Variants in SRR observed in about 807,000 individuals in gnomAD.
SRR encodes the protein D-serine ammonia-lyase.
A neutral mutation model predicts 32.7 loss-of-function variants in SRR; 19 were observed. The observed-to-expected ratio is 0.58, with a 90% CI of 0.40 to 0.85. The LOEUF is 0.85. Ranked by LOEUF, SRR falls within the 40% of genes least tolerant of loss-of-function variation. The probability of loss-of-function intolerance (pLI) is 0.00; values close to 1 mark genes in which losing one functional copy is unlikely to be tolerated. For synonymous variants in SRR, 142 were observed against 140.9 expected (o/e 1.01, Z -0.06); for missense variants, 373 against 404.7 (o/e 0.92, Z 0.67).
intron 2 of SRR, among the ~76,000 whole-genome samples, chr17:2,316,528 T>C (rs965529852): frequency 3.9e-5 from 6 of 152,176 alleles, no homozygotes; most frequent in African/African-American, 9.7e-5. Flanking sequence ...CATGGATACA[T>C]TATCAATATA....
chr17:2,323,113 T>C, intron 6 of SRR, 23 bp from the exon 7 acceptor site: 1 of 1,610,544 alleles, frequency 6.2e-7, no homozygotes, highest in Non-Finnish European at 8.5e-7. Context: ...GTTGTTAAGA[T>C]GTCTTAATAT....
intron 2 of SRR, 97 bp downstream of exon 2, chr17:2,315,825 AATTAATGCCTTTAT>A: frequency 8.4e-7 from 1 of 1,183,880 alleles, no homozygotes; most frequent in East Asian, 2.4e-5. Flanking sequence ...GGCAGAAGTA[AATTAATGCCTTTAT>A]ACAGCTGGAA....
chr17:2,310,402 GATAGGGTTTCA>G (rs2151429966), intron 1 of SRR, among the ~76,000 whole-genome samples: 3 of 152,202 alleles, frequency 2.0e-5, no homozygotes, highest in African/African-American at 7.2e-5. Flanking sequence ...TTTTGGTAGA[GATAGGGTTTCA>G]ACGTGTTGCC....
At chr17:2,307,892 T>C (rs2075403939) in intron 1 of SRR, among the ~76,000 whole-genome samples, 1 of 152,140 alleles carries the variant, frequency 6.6e-6, no homozygotes, top group Admixed American at 6.5e-5. Flanking sequence ...GAAGACTGTA[T>C]TTGTGACTAG....
chr17:2,324,441 C>A lies in SRR; in HGVS notation c.*568C>A. ...AAATTTTAAAGCAATGACTTCCAAC[C>A]CAACAGTCATTTAGCAACACTGCAG... On this transcript the variant is annotated 3_prime_UTR_variant, in exon 8 of 8. Coordinates refer to ENST00000344595, the MANE Select transcript of SRR (RefSeq NM_021947.3). The A allele has an allele frequency of 3.1e-6, 5 of 1,611,650 alleles. No homozygotes were observed. Among genetic ancestry groups the A allele is most frequent in the Non-Finnish European group, 4.2e-6 (5 of 1,178,854 alleles).
At position 2,324,655 on chromosome 17, in the gene SRR, GCAATCAGATCCCATCCTCCTCCTT is replaced by G; in HGVS notation, c.*785_*808del. ...TAAACCCAACCTTTATACCACAAAG[GCAATCAGATCCCATCCTCCTCCTT>G]CATACCCACCTCTGTTGAAGAACAT... is the stretch of plus-strand genomic sequence containing the variant. On this transcript the variant is annotated 3_prime_UTR_variant, in exon 8 of 8. Transcript: ENST00000344595. 1 of 1,613,898 alleles carries G rather than the reference GCAATCAGATCCCATCCTCCTCCTT, an allele frequency of 6.2e-7. No individual in the cohort carries two copies. The highest frequency in any genetic ancestry group is 1.1e-5 in the South Asian group (1 of 91,082).
At chr17:2,318,030 C>G in intron 3 of SRR, 34 bp downstream of exon 3, 1 of 1,549,768 alleles carries the variant, frequency 6.5e-7, no homozygotes, top group Non-Finnish European at 8.8e-7. Context: ...GGTAGATCTT[C>G]AGAAAGGAGT....
chr17:2,311,919 T>A (rs1243976662), intron 1 of SRR, among the ~76,000 whole-genome samples: 1 of 151,906 alleles, frequency 6.6e-6, no homozygotes, highest in Non-Finnish European at 1.5e-5. Flanking sequence ...GTAAATGGTG[T>A]GTTAAGAAGG....
chr17:2,322,758 C>T (rs1342684402), intron 6 of SRR: 2 of 223,554 alleles, frequency 8.9e-6, no homozygotes, highest in East Asian at 1.1e-4. Flanking sequence ...CCTCGTGATC[C>T]GCCCACCTCG....
intron 1 of SRR, among the ~76,000 whole-genome samples, chr17:2,305,050 C>T (rs1418527789): frequency 6.6e-6 from 1 of 152,184 alleles, no homozygotes; most frequent in African/African-American, 2.4e-5. Context: ...GGGATTGCCA[C>T]AACCTCTGAC....
intron 2 of SRR, among the ~76,000 whole-genome samples, chr17:2,316,565 A>T (rs1365999485): frequency 1.3e-5 from 2 of 152,232 alleles, no homozygotes; most frequent in Non-Finnish European, 2.9e-5. Flanking sequence ...GCCACACGGC[A>T]AAACTCTGTC....
intron 4 of SRR, among the ~76,000 whole-genome samples, chr17:2,319,964 GC>G (rs1166538464): frequency 6.6e-6 from 1 of 151,480 alleles, no homozygotes; most frequent in Non-Finnish European, 1.5e-5. Context: ...GACTACAGGC[GC>G]CTGCCACCAT....
In SRR at chr17:2,321,455, T is replaced by C. The variant is rs2075527716; in HGVS notation, c.519+30T>C. ...AATAGCTGAGTTCTTCCTGTTTAGC[T>C]ACTGGTAAAGCTGTTGGGCTATATT... On this transcript the variant is annotated intron_variant, in intron 5 of 7. Transcript: ENST00000344595. 2.5e-6 allele frequency: 4 copies of C among 1,611,638 alleles called. No homozygotes were observed. The Admixed American group carries it at 6.7e-5, about 27-fold the overall frequency.
At chr17:2,323,577 C>T (rs552400594) in intron 7 of SRR, 78 bp from the exon 8 acceptor site, 35 of 1,440,820 alleles carry the variant, frequency 2.4e-5, no homozygotes, top group South Asian at 2.4e-4. Context: ...AAACTGGACA[C>T]GTATTCTCAT....
In SRR at chr17:2,315,684, CT is replaced by C; in HGVS notation, c.128del (p.Phe43SerfsTer30). 6.2e-7 allele frequency: 1 copy of C among 1,614,058 alleles called. No individual in the cohort carries two copies. The highest frequency in any genetic ancestry group is 8.5e-7 in the Non-Finnish European group (1 of 1,180,028). On this transcript the variant is annotated frameshift_variant, in exon 2 of 8. Coordinates refer to ENST00000344595, the MANE Select transcript of SRR (RefSeq NM_021947.3). LOFTEE classifies it high-confidence loss of function. ...TTTGAATCAACTAACAGGGCGCAATCTTTTCTTCAAATGTGAACTCTTCCAG... is the reference window on the plus strand; with the variant it reads ...TTTGAATCAACTAACAGGGCGCAATCTTTCTTCAAATGTGAACTCTTCCAG... ...SILNQLTGRNLFFKCELFQKT... is the reference protein window; with the variant it reads ...SILNQLTGRNXFFKCELFQKT...
intron 1 of SRR, among the ~76,000 whole-genome samples, chr17:2,310,220 A>G (rs2075423713): frequency 6.6e-6 from 1 of 152,142 alleles, no homozygotes; most frequent in Non-Finnish European, 1.5e-5. Context: ...TATTTTTGAT[A>G]GTGGGTTTTT....
At chr17:2,314,054 A>G (rs1219127933) in intron 1 of SRR, among the ~76,000 whole-genome samples, 1 of 152,244 alleles carries the variant, frequency 6.6e-6, no homozygotes, top group Admixed American at 6.5e-5. Flanking sequence ...GGAAAGTGGA[A>G]GCTTAATGTA....
At chr17:2,314,872 TAAA>T (rs967194467) in intron 1 of SRR, among the ~76,000 whole-genome samples, 1 of 151,636 alleles carries the variant, frequency 6.6e-6, no homozygotes, top group African/African-American at 2.4e-5. Flanking sequence ...TATTAAAAAT[TAAA>T]AATTTAAATT....
chr17:2,310,561 T>C lies in SRR; in HGVS notation c.-4-4996T>C, dbSNP rs552511774. ...AAATATTGAGACTTCAGGCCTGGCA[T>C]GGTTTTTTGGGATTTTTGGTTGTTG... is the stretch of plus-strand genomic sequence containing the variant. On this transcript the variant is annotated intron_variant, in intron 1 of 7. Coordinates refer to ENST00000344595, the MANE Select transcript of SRR (RefSeq NM_021947.3). Among the ~76,000 whole-genome samples the C allele has an allele frequency of 5.9e-5, 9 of 151,648 alleles. No individual in the cohort carries two copies. In the East Asian group the frequency reaches 7.8e-4, roughly 13 times the overall value.
Sources: allele counts gnomAD v4.1 joint callset (sites outside exome capture counted in the v4.1 genomes callset), GRCh38; gene constraint gnomAD v4.1.1; transcripts MANE v1.5; gene names NCBI Gene and HGNC (gene_info 2026-07-23, HGNC 2026-07-21).